The following WDR49 variants were observed in gnomAD, a reference collection of about 807,000 sequenced individuals.
WDR49 encodes WD repeat domain 49, also known as cilia- and flagella-associated protein 337.
In WDR49, 107 loss-of-function variants were observed where a neutral mutation model predicts 119.5. The observed-to-expected ratio is 0.90, with a 90% CI of 0.77 to 1.05. WDR49 has a LOEUF of 1.05. Among genes scored for constraint, WDR49 ranks in the 50% least tolerant of loss-of-function variants. The pLI is 0.00. For synonymous variants in WDR49, 425 were observed against 418.8 expected, an observed-to-expected ratio of 1.01 and a Z score of -0.18; for missense variants, 1,240 against 1,220.5, an observed-to-expected ratio of 1.02 and a Z score of -0.24.
intron 8 of WDR49, among the ~76,000 whole-genome samples, chr3:167,573,852 C>G (rs1043887990): frequency 6.6e-6 from 1 of 152,122 alleles, no homozygotes; most frequent in Non-Finnish European, 1.5e-5. Flanking sequence ...AAAGTATTCC[C>G]AAACTTGCCA....
intron 9 of WDR49, among the ~76,000 whole-genome samples, chr3:167,556,411 A>T (rs1207897484): frequency 6.6e-6 from 1 of 152,176 alleles, no homozygotes; most frequent in Non-Finnish European, 1.5e-5. Context: ...TGGGTGCCAG[A>T]CCCAGTCCTC....
chr3:167,599,962 T>C (rs1257602665), intron 7 of WDR49, among the ~76,000 whole-genome samples: 1 of 152,158 alleles, frequency 6.6e-6, no homozygotes, highest in Non-Finnish European at 1.5e-5. Context: ...TGATGGGTCC[T>C]TCCAGGACTC....
chr3:167,571,646 T>C (rs1409322709), intron 8 of WDR49, among the ~76,000 whole-genome samples: 1 of 152,176 alleles, frequency 6.6e-6, no homozygotes, highest in Non-Finnish European at 1.5e-5. Flanking sequence ...TTCTAACATA[T>C]TATTGAATAG....
chr3:167,580,996 G>A (rs1188944788), intron 7 of WDR49, among the ~76,000 whole-genome samples: 1 of 151,830 alleles, frequency 6.6e-6, no homozygotes, highest in African/African-American at 2.4e-5. Flanking sequence ...GTATCTATTT[G>A]CATCATTATA....
chr3:167,625,993 T>C (rs1320384328), intron 3 of WDR49, among the ~76,000 whole-genome samples: 1 of 151,460 alleles, frequency 6.6e-6, no homozygotes, highest in Non-Finnish European at 1.5e-5. Flanking sequence ...CCATTCACGA[T>C]GTTTGGACCT....
At chr3:167,566,782 AAAGAAAATGTTATT>A (rs2108275748) in intron 8 of WDR49, 1 of 597,724 alleles carries the variant, frequency 1.7e-6, no homozygotes, top group Non-Finnish European at 3.0e-6. Flanking sequence ...AAGCTAGAGA[AAAGAAAATGTTATT>A]AAGAAAATTA....
At chr3:167,648,373 C>G (rs1189801257) in intron 2 of WDR49, among the ~76,000 whole-genome samples, 8 of 152,050 alleles carry the variant, frequency 5.3e-5, no homozygotes, top group Admixed American at 5.2e-4. Flanking sequence ...ACTATTAAAA[C>G]AAAGATAAAA....
intron 8 of WDR49, among the ~76,000 whole-genome samples, chr3:167,566,538 G>C (rs893783624): frequency 1.3e-5 from 2 of 151,928 alleles, no homozygotes; most frequent in Non-Finnish European, 2.9e-5. Context: ...CTTAAATATT[G>C]AGTTATTAAA....
At chr3:167,505,258 A>G in intron 17 of WDR49, 49 bp downstream of exon 17, 8 of 1,380,906 alleles carry the variant, frequency 5.8e-6, no homozygotes, top group Non-Finnish European at 7.5e-6. Context: ...ATTCACACTA[A>G]TCTGTTAAAT....
intron 8 of WDR49, among the ~76,000 whole-genome samples, chr3:167,573,309 C>T (rs1714039325): frequency 6.6e-6 from 1 of 151,802 alleles, no homozygotes; most frequent in African/African-American, 2.4e-5. Flanking sequence ...GTTTCCAACC[C>T]AGCAGTTCTG....
chr3:167,573,337 G>A (rs764021104), intron 8 of WDR49, among the ~76,000 whole-genome samples: 15 of 151,272 alleles, frequency 9.9e-5, no homozygotes, highest in South Asian at 4.2e-4. Context: ...TTGGTCTTGG[G>A]ATTCCTTTGC....
rs1051476558 is a variant in WDR49, at chr3:167,627,868, A to C, written c.166-576T>G. Among the ~76,000 whole-genome samples, 3 of 152,104 alleles carry C rather than the reference A, an allele frequency of 2.0e-5. 1 individual carries two copies. Among genetic ancestry groups the C allele is most frequent in the African/African-American group, 4.8e-5 (2 of 41,456 alleles). On this transcript the variant is annotated intron_variant, in intron 2 of 18. Coordinates refer to ENST00000682715, the MANE Select transcript of WDR49 (RefSeq NM_001366157.1). ...ACTTTGCCGATATTGTGATTTTTAC[A>C]AATTGAAGGTTTGTGGCAACCTTGC...
intron 1 of WDR49, 130 bp downstream of exon 1, chr3:167,653,704 G>A (rs1161902658): frequency 4.0e-6 from 1 of 252,492 alleles, no homozygotes; most frequent in Non-Finnish European, 7.5e-6. Flanking sequence ...CTTATACTCT[G>A]TTTAACCTGG....
intron 2 of WDR49, among the ~76,000 whole-genome samples, chr3:167,635,545 G>T (rs548915285): frequency 3.8e-4 from 58 of 151,794 alleles, no homozygotes; most frequent in African/African-American, 1.4e-3. Context: ...AATGAGGAAA[G>T]AAATACTTTC....
chr3:167,540,341 C>T (rs1331141079), intron 10 of WDR49, among the ~76,000 whole-genome samples: 1 of 152,146 alleles, frequency 6.6e-6, no homozygotes, highest in Non-Finnish European at 1.5e-5. Flanking sequence ...GCTGAAACAC[C>T]TAAAGATGAA....
intron 11 of WDR49, among the ~76,000 whole-genome samples, chr3:167,534,169 T>C (rs565909132): frequency 6.6e-6 from 1 of 152,036 alleles, no homozygotes; most frequent in African/African-American, 2.4e-5. Flanking sequence ...CACTCCAGCC[T>C]GGGCGACAGA....
chr3:167,535,816 A>C (rs1174831762), intron 11 of WDR49, among the ~76,000 whole-genome samples: 1 of 152,204 alleles, frequency 6.6e-6, no homozygotes, highest in Non-Finnish European at 1.5e-5. Context: ...ACAAAAGCCA[A>C]GATATAAAAT....
In WDR49 at chr3:167,537,044, T is replaced by C. The variant is rs201823981; in HGVS notation, c.1824-44A>G. ...AATTTAGCTGTGGATCTAAAATTGA[T>C]GTAGACATTGAGTAGCCACTATCCA... On this transcript the variant is annotated intron_variant, in intron 10 of 18. Transcript: ENST00000682715. The C allele has an allele frequency of 1.3e-4, 201 of 1,521,678 alleles. 1 individual carries two copies. In the African/African-American group the frequency reaches 2.6e-3, roughly 20 times the overall value. 94.3% of individuals were successfully genotyped at this position (1,521,678 alleles called of 1,614,324 possible). A position where few individuals can be genotyped will look rare whatever the true frequency, so the allele number is the denominator to read the frequency against.
intron 5 of WDR49, among the ~76,000 whole-genome samples, chr3:167,611,550 A>C (rs1250159279): frequency 2.0e-5 from 3 of 152,094 alleles, no homozygotes; most frequent in Non-Finnish European, 2.9e-5. Context: ...TGGGCAAAAA[A>C]ACAAGACGCA....
Sources: allele counts gnomAD v4.1 joint callset (sites outside exome capture counted in the v4.1 genomes callset), GRCh38; gene constraint gnomAD v4.1.1; transcripts MANE v1.5; gene names NCBI Gene and HGNC (gene_info 2026-07-23, HGNC 2026-07-21).